Variants in MARCHF8 observed in about 807,000 individuals in gnomAD.
The protein encoded by MARCHF8 is E3 ubiquitin-protein ligase MARCHF8.
In MARCHF8, 40 loss-of-function variants were observed where a neutral mutation model predicts 51.6. That is an observed-to-expected ratio of 0.77 (90% CI 0.60 to 1.01). MARCHF8 has a LOEUF of 1.01. Among genes scored for constraint, MARCHF8 ranks in the 50% least tolerant of loss-of-function variants. The pLI is 0.00. For missense variants in MARCHF8, 685 were observed against 708.6 expected, an observed-to-expected ratio of 0.97 and a Z score of 0.38; for synonymous variants, 263 against 280.3, an observed-to-expected ratio of 0.94 and a Z score of 0.62.
intron 1 of MARCHF8, among the ~76,000 whole-genome samples, chr10:45,554,588 C>T (rs2044231023): frequency 6.6e-6 from 1 of 152,138 alleles, no homozygotes; most frequent in Non-Finnish European, 1.5e-5. Flanking sequence ...CCAAAATGAC[C>T]CAGGAGCTAA....
intron 1 of MARCHF8, among the ~76,000 whole-genome samples, chr10:45,588,068 T>A (rs1378343131): frequency 6.6e-6 from 1 of 151,538 alleles, no homozygotes; most frequent in Admixed American, 6.6e-5. Flanking sequence ...CTATAAAACC[T>A]CTAGAACATA....
At chr10:45,523,848 C>T (rs2043748718) in intron 2 of MARCHF8, among the ~76,000 whole-genome samples, 1 of 152,188 alleles carries the variant, frequency 6.6e-6, no homozygotes, top group Non-Finnish European at 1.5e-5. Flanking sequence ...AGCAAACTCT[C>T]ACTAGACCAA....
At chr10:45,568,660 AGT>A (rs1478344442) in intron 1 of MARCHF8, among the ~76,000 whole-genome samples, 1 of 144,726 alleles carries the variant, frequency 6.9e-6, no homozygotes, top group Non-Finnish European at 1.5e-5. Context: ...CGGAGGTTGC[AGT>A]GAGTTGAGAT....
chr10:45,479,844 C>T (rs778174650), intron 3 of MARCHF8, among the ~76,000 whole-genome samples: 1 of 152,142 alleles, frequency 6.6e-6, no homozygotes, highest in Non-Finnish European at 1.5e-5. Context: ...AAGTGGGGTG[C>T]TGCTATAAAG....
intron 1 of MARCHF8, among the ~76,000 whole-genome samples, chr10:45,586,501 G>A (rs908709772): frequency 5.9e-5 from 9 of 152,016 alleles, no homozygotes; most frequent in African/African-American, 2.2e-4. Context: ...ACACCCAGGG[G>A]TGTAAATGTC....
intron 2 of MARCHF8, among the ~76,000 whole-genome samples, chr10:45,512,495 G>A (rs1352723088): frequency 6.6e-5 from 10 of 150,994 alleles, no homozygotes; most frequent in East Asian, 2.0e-4. Flanking sequence ...CCCTCTGCCC[G>A]GCCAGCCGCC....
chr10:45,473,367 C>A (rs371773661), intron 3 of MARCHF8, among the ~76,000 whole-genome samples: 1 of 152,346 alleles, frequency 6.6e-6, no homozygotes, highest in East Asian at 1.9e-4. Flanking sequence ...CCTTGGGCAA[C>A]TGCCAGAGCC....
At chr10:45,583,961 G>A (rs1418146478) in intron 1 of MARCHF8, among the ~76,000 whole-genome samples, 3 of 141,970 alleles carry the variant, frequency 2.1e-5, no homozygotes, top group African/African-American at 5.3e-5. Flanking sequence ...AGCCAAGATC[G>A]TGCCACTGCA....
At chr10:45,496,145 G>T (rs1193813998) in intron 2 of MARCHF8, among the ~76,000 whole-genome samples, 1 of 152,150 alleles carries the variant, frequency 6.6e-6, no homozygotes, top group Admixed American at 6.5e-5. Context: ...TTCATTGCAA[G>T]TGGATGCACC....
At chr10:45,528,083 G>A (rs559087093) in intron 2 of MARCHF8, among the ~76,000 whole-genome samples, 2 of 152,250 alleles carry the variant, frequency 1.3e-5, no homozygotes, top group African/African-American at 4.8e-5. Context: ...ACAACTTGGT[G>A]TAGTAGGAAC....
intron 1 of MARCHF8, among the ~76,000 whole-genome samples, chr10:45,564,954 C>T (rs957608811): frequency 1.2e-4 from 15 of 122,044 alleles, no homozygotes; most frequent in Non-Finnish European, 7.2e-5. Flanking sequence ...AATTAATCCC[C>T]AGCAAATAAC....
intron 2 of MARCHF8, among the ~76,000 whole-genome samples, chr10:45,521,553 T>C (rs1015422957): frequency 6.6e-6 from 1 of 152,216 alleles, no homozygotes; most frequent in African/African-American, 2.4e-5. Context: ...TTGGAAAGTC[T>C]GCCTGTGCCT....
intron 1 of MARCHF8, among the ~76,000 whole-genome samples, chr10:45,571,938 C>T (rs143240745): frequency 0.011 from 1,704 of 152,284 alleles, 22 homozygotes; most frequent in Non-Finnish European, 0.017. Context: ...TTTAATCACG[C>T]GGGGACACCT....
chr10:45,570,850 A>G (rs1230987917), intron 1 of MARCHF8, among the ~76,000 whole-genome samples: 1 of 152,226 alleles, frequency 6.6e-6, no homozygotes, highest in Non-Finnish European at 1.5e-5. Context: ...AATACCAAAA[A>G]GCAGATTACT....
rs933796932 is a variant in MARCHF8, at chr10:45,481,213, T to C, written c.153+8154A>G. On this transcript the variant is annotated intron_variant, in intron 3 of 7. Transcript: ENST00000453424. ...TATTTATCCAGTGCCTGTGCCCCCA[T>C]TGTATCTAGAAACTAACTAACTTGA... Among the ~76,000 whole-genome samples the C allele has an allele frequency of 6.6e-5, 10 of 152,334 alleles. No homozygotes were observed. In the East Asian group the frequency reaches 9.6e-4, roughly 15 times the overall value.
chr10:45,465,158 A>G (rs1044350770), intron 3 of MARCHF8, among the ~76,000 whole-genome samples: 166 of 152,246 alleles, frequency 1.1e-3, no homozygotes, highest in African/African-American at 3.8e-3. Context: ...CACCACCGCT[A>G]GAGGGCCCCA....
chr10:45,482,591 T>C (rs906651020), intron 3 of MARCHF8, among the ~76,000 whole-genome samples: 3 of 152,090 alleles, frequency 2.0e-5, no homozygotes, highest in Non-Finnish European at 4.4e-5. Flanking sequence ...CCATCACTAC[T>C]AAAAATACAA....
intron 3 of MARCHF8, among the ~76,000 whole-genome samples, chr10:45,483,529 T>C (rs890399615): frequency 2.0e-5 from 3 of 152,106 alleles, no homozygotes; most frequent in East Asian, 3.9e-4. Context: ...AAACTAAAAA[T>C]AGAACTACTA....
Position 45,505,850 on chromosome 10 carries a change from C to A in MARCHF8, c.103-16433G>T, listed in dbSNP as rs187574482. On this transcript the variant is annotated intron_variant, in intron 2 of 7. Transcript: ENST00000453424. The stretch of plus-strand genomic sequence containing the variant: ...ACCACGAATCAATTAAGAATTCATG[C>A]TCACTGGGAAGAGAGCAACTCTTTG... Among the ~76,000 whole-genome samples the A allele has an allele frequency of 2.5e-3, 386 of 152,342 alleles. 1 individual carries two copies. Among genetic ancestry groups the A allele is most frequent in the African/African-American group, 8.8e-3 (367 of 41,580 alleles).
Sources: gnomAD v4.1 joint callset for allele counts (sites outside exome capture counted in the v4.1 genomes callset) on GRCh38, gnomAD v4.1.1 for gene constraint, MANE v1.5 for transcripts, NCBI Gene and HGNC (gene_info 2026-07-23, HGNC 2026-07-21) for gene names.